Variants in PLXDC2 observed in about 807,000 individuals in gnomAD.
The protein encoded by PLXDC2 is plexin domain containing 2.
Under a neutral mutation model 68.9 loss-of-function variants are expected in PLXDC2, and 40 were observed. The ratio of observed to expected loss-of-function variants is 0.58; its 90% CI spans 0.45 to 0.76. The LOEUF (loss-of-function observed/expected upper bound fraction) is 0.76. PLXDC2 is among the 30% of genes least tolerant of loss of function. The pLI is 0.00. For synonymous variants in PLXDC2, 243 were observed against 234.2 expected (o/e 1.04, Z -0.34); for missense variants, 644 against 661.9 (o/e 0.97, Z 0.30).
Position 19,842,044 on chromosome 10 carries a change from G to A in PLXDC2, c.112+24853G>A, listed in dbSNP as rs538577264. Among the ~76,000 whole-genome samples, 4 of 152,200 alleles carry A rather than the reference G, an allele frequency of 2.6e-5. No individual in the cohort carries two copies. In the South Asian group the frequency reaches 8.3e-4, roughly 32 times the overall value. ...TAATACTAGCATTTAGGGAGGCCAA[G>A]GTGGGAGGATCATTTGAGGCCAGGA... On this transcript the variant is annotated intron_variant, in intron 1 of 13. Transcript: ENST00000377252.
chr10:20,119,485 G>A (rs995390181), intron 4 of PLXDC2, among the ~76,000 whole-genome samples: 1 of 151,198 alleles, frequency 6.6e-6, no homozygotes, highest in African/African-American at 2.4e-5. Context: ...GCAGGAACAG[G>A]CCATTTTCAC....
chr10:20,176,091 C>G (rs764536058), intron 7 of PLXDC2, among the ~76,000 whole-genome samples: 5 of 152,124 alleles, frequency 3.3e-5, no homozygotes, highest in Non-Finnish European at 7.4e-5. Flanking sequence ...TTGTCAAAGT[C>G]TCCATCTATC....
intron 4 of PLXDC2, among the ~76,000 whole-genome samples, chr10:20,104,060 T>C (rs182324228): frequency 3.9e-5 from 6 of 152,336 alleles, no homozygotes; most frequent in Admixed American, 1.3e-4. Context: ...TTCCTGATTA[T>C]TTCTGCTTTC....
At chr10:19,957,880 C>T (rs1387128144) in intron 1 of PLXDC2, among the ~76,000 whole-genome samples, 1 of 152,058 alleles carries the variant, frequency 6.6e-6, no homozygotes. Flanking sequence ...GGGACAGTAA[C>T]ATTTATTCTT....
At chr10:20,079,469 A>G (rs1350044985) in intron 4 of PLXDC2, among the ~76,000 whole-genome samples, 8 of 152,218 alleles carry the variant, frequency 5.3e-5, no homozygotes, top group African/African-American at 1.9e-4. Context: ...ATTATAAATC[A>G]TTCTACATAA....
At chr10:20,211,518 T>C in intron 9 of PLXDC2, 151 bp from the exon 10 acceptor site, 1 of 620,008 alleles carries the variant, frequency 1.6e-6, no homozygotes, top group East Asian at 2.8e-5. Context: ...TTTCCCTGCT[T>C]CTCCAGTTGC....
chr10:20,012,116 C>T (rs1178551231), intron 2 of PLXDC2, among the ~76,000 whole-genome samples: 1 of 152,074 alleles, frequency 6.6e-6, no homozygotes, highest in East Asian at 1.9e-4. Context: ...TAGGCCATTA[C>T]AAATAGAGAA....
At chr10:20,082,872 A>G (rs934300805) in intron 4 of PLXDC2, among the ~76,000 whole-genome samples, 2 of 152,186 alleles carry the variant, frequency 1.3e-5, no homozygotes, top group African/African-American at 2.4e-5. Flanking sequence ...AGAATGAGAT[A>G]TTTAATGTAT....
At chr10:19,874,007 A>T (rs1343235825) in intron 1 of PLXDC2, among the ~76,000 whole-genome samples, 1 of 146,514 alleles carries the variant, frequency 6.8e-6, no homozygotes, top group East Asian at 2.0e-4. Flanking sequence ...TGGCCAAAGA[A>T]GGCAGAGAAG....
chr10:19,886,311 T>A (rs2131355620), intron 1 of PLXDC2, among the ~76,000 whole-genome samples: 1 of 152,306 alleles, frequency 6.6e-6, no homozygotes, highest in East Asian at 1.9e-4. Context: ...CAGGGACAAT[T>A]TGACTTCCTC....
chr10:20,179,706 AT>A (rs1338042637), intron 9 of PLXDC2, among the ~76,000 whole-genome samples: 1 of 152,134 alleles, frequency 6.6e-6, no homozygotes, highest in African/African-American at 2.4e-5. Flanking sequence ...CATTCGAAAC[AT>A]ATCTGCAAGT....
chr10:20,234,938 A>C (rs1414159723), intron 12 of PLXDC2, among the ~76,000 whole-genome samples: 1 of 152,158 alleles, frequency 6.6e-6, no homozygotes, highest in Non-Finnish European at 1.5e-5. Flanking sequence ...CGTTATGCAT[A>C]AATTCAAGCA....
At chr10:20,159,171 G>A (rs1417054028) in intron 6 of PLXDC2, among the ~76,000 whole-genome samples, 2 of 152,098 alleles carry the variant, frequency 1.3e-5, no homozygotes, top group Non-Finnish European at 2.9e-5. Flanking sequence ...GAATGTTTCA[G>A]GACTGGTCTT....
intron 1 of PLXDC2, among the ~76,000 whole-genome samples, chr10:19,968,541 G>C (rs1834301872): frequency 6.6e-6 from 1 of 152,098 alleles, no homozygotes; most frequent in Admixed American, 6.6e-5. Context: ...TCGAACTCCT[G>C]GACTCAAGTG....
intron 4 of PLXDC2, among the ~76,000 whole-genome samples, chr10:20,074,592 A>G (rs906794278): frequency 6.6e-6 from 1 of 152,158 alleles, no homozygotes. Context: ...TTTTCAGGAA[A>G]TATATTACCA....
intron 9 of PLXDC2, among the ~76,000 whole-genome samples, chr10:20,208,054 G>A (rs1397947474): frequency 6.6e-6 from 1 of 152,140 alleles, no homozygotes; most frequent in Non-Finnish European, 1.5e-5. Flanking sequence ...TTTGAGCACT[G>A]TAAGAAAATA....
At position 19,982,080 on chromosome 10, in the gene PLXDC2, C is replaced by T. The variant is rs536811290; in HGVS notation, c.113-19695C>T. 5.8e-4 allele frequency among the ~76,000 whole-genome samples: 88 copies of T among 152,348 alleles called. No individual in the cohort carries two copies. In the South Asian group the frequency reaches 8.3e-3, roughly 14 times the overall value. ...TATATAGTATTCATGATGCCTGCCT[C>T]TGCAGATTGCTGCAATTCCACATTT... On this transcript the variant is annotated intron_variant, in intron 1 of 13. Transcript: ENST00000377252.
chr10:20,031,247 G>T (rs1009109335), intron 2 of PLXDC2, among the ~76,000 whole-genome samples: 5 of 152,002 alleles, frequency 3.3e-5, no homozygotes, highest in African/African-American at 1.2e-4. Flanking sequence ...TCATGTGCCT[G>T]TAGTCCCAGC....
intron 1 of PLXDC2, among the ~76,000 whole-genome samples, chr10:19,920,466 G>A (rs965156955): frequency 4.6e-5 from 7 of 152,360 alleles, no homozygotes; most frequent in Admixed American, 1.3e-4. Context: ...ATGGATGGTG[G>A]CTGGATGTCA....
Sources: allele counts gnomAD v4.1 joint callset (sites outside exome capture counted in the v4.1 genomes callset), GRCh38; gene constraint gnomAD v4.1.1; transcripts MANE v1.5; gene names NCBI Gene and HGNC (gene_info 2026-07-23, HGNC 2026-07-21).